The following DLGAP1 variants were observed in gnomAD, a reference collection of about 807,000 sequenced individuals.
DLGAP1 encodes the protein disks large-associated protein 1.
Under a neutral mutation model 90.8 loss-of-function variants are expected in DLGAP1, and 11 were observed. The observed-to-expected ratio is 0.12, with a 90% CI of 0.08 to 0.20. The LOEUF (loss-of-function observed/expected upper bound fraction) is 0.20. Among genes scored for constraint, DLGAP1 ranks in the 10% least tolerant of loss-of-function variants. The probability of loss-of-function intolerance (pLI) is 1.00; values close to 1 mark genes in which losing one functional copy is unlikely to be tolerated. For missense variants in DLGAP1, 1,050 were observed against 1,333.8 expected (o/e 0.79, Z 3.31); for synonymous variants, 558 against 540.7 (o/e 1.03, Z -0.44).
chr18:3,507,789 A>T (rs559825004), intron 11 of DLGAP1, among the ~76,000 whole-genome samples: 2 of 128,864 alleles, frequency 1.6e-5, no homozygotes, highest in African/African-American at 3.0e-5. Context: ...CCCCCAAACT[A>T]GAGTGCAATG....
chr18:3,939,008 G>C (rs2072705444), intron 3 of DLGAP1, among the ~76,000 whole-genome samples: 1 of 152,310 alleles, frequency 6.6e-6, no homozygotes, highest in South Asian at 2.1e-4. Context: ...TGAAACTGGA[G>C]GAGGACTAGT....
chr18:3,598,335 G>C (rs888109715), intron 7 of DLGAP1: 3 of 152,138 alleles, frequency 2.0e-5, no homozygotes, highest in Admixed American at 6.6e-5. Flanking sequence ...CCCAGGCGGT[G>C]GAGTGAGTCT....
At chr18:3,613,509 T>C (rs2057723618) in intron 7 of DLGAP1, among the ~76,000 whole-genome samples, 1 of 152,048 alleles carries the variant, frequency 6.6e-6, no homozygotes, top group Non-Finnish European at 1.5e-5. Flanking sequence ...ATTTTTTAAT[T>C]TTGAATTTTG....
chr18:3,800,325 A>G (rs2066228660), intron 5 of DLGAP1, among the ~76,000 whole-genome samples: 1 of 152,228 alleles, frequency 6.6e-6, no homozygotes, highest in Non-Finnish European at 1.5e-5. Context: ...TATGTTATGA[A>G]TATCTCTTTT....
intron 3 of DLGAP1, among the ~76,000 whole-genome samples, chr18:3,933,181 T>G (rs1443923543): frequency 6.6e-6 from 1 of 152,240 alleles, no homozygotes; most frequent in Non-Finnish European, 1.5e-5. Context: ...GAGGCTGTGC[T>G]CTTCCTGAGT....
intron 7 of DLGAP1, among the ~76,000 whole-genome samples, chr18:3,651,972 CACA>C (rs916829706): frequency 2.0e-4 from 30 of 147,596 alleles, no homozygotes; most frequent in South Asian, 4.4e-4. Context: ...CTGTCTCAAA[CACA>C]ACAACAACAA....
intron 1 of DLGAP1, among the ~76,000 whole-genome samples, chr18:4,405,472 T>C (rs6506201): frequency 0.33 from 49,433 of 152,050 alleles, 8,349 homozygotes; most frequent in Admixed American, 0.38. Flanking sequence ...TCAGGAATTA[T>C]TCAAAGAACA....
intron 7 of DLGAP1, among the ~76,000 whole-genome samples, chr18:3,680,949 T>C (rs901168481): frequency 9.2e-5 from 14 of 152,116 alleles, no homozygotes; most frequent in African/African-American, 3.4e-4. Context: ...TCGTGAAAGA[T>C]GAAGAAAGAA....
Position 3,879,855 on chromosome 18 carries a change from G to A in DLGAP1, c.214C>T (p.Arg72Cys), listed in dbSNP as rs1239125035. 2 of 1,610,140 alleles carry A rather than the reference G, an allele frequency of 1.2e-6. No homozygotes were observed. The highest frequency in any genetic ancestry group is 1.1e-5 in the South Asian group (1 of 91,006). ...TCTTGCTGCGAGGTGTAGTGCCTGC[G>A]GGGGAAGGTGCTGCTGGCCAGCGGG... The part of the protein sequence containing the change: ...SDPLASSTFP[R>C]RHYTSQQELK... The change falls in exon 4 of 13, where the codon CGC becomes TGC. Residue 72 changes from arginine (R) to cysteine (C), a missense_variant. Physicochemically the swap from Arg to Cys is radical, Grantham distance 180 (BLOSUM62 -3). This residue lies in a region of DLGAP1 where 485 missense variants were observed against 454.1 expected (regional missense o/e 1.07). Coordinates refer to ENST00000315677, the MANE Select transcript of DLGAP1 (RefSeq NM_004746.4). This position sits in a 1 kb window ranked among gnomAD's most constrained non-coding sequence, Gnocchi z 6.6.
intron 4 of DLGAP1, chr18:3,845,208 A>G (rs1265467878): frequency 7.5e-6 from 12 of 1,610,006 alleles, no homozygotes; most frequent in Non-Finnish European, 1.0e-5. Flanking sequence ...TCCTTTCCAT[A>G]GCCCAGAATT....
At chr18:4,303,813 TAGA>T (rs2080185938) in intron 1 of DLGAP1, among the ~76,000 whole-genome samples, 1 of 152,214 alleles carries the variant, frequency 6.6e-6, no homozygotes. Context: ...TGAAGTGTAT[TAGA>T]AGAAGGAGAA....
intron 5 of DLGAP1, chr18:3,771,326 C>T (rs2064526438): frequency 6.6e-6 from 1 of 152,356 alleles, no homozygotes; most frequent in Non-Finnish European, 1.5e-5. Flanking sequence ...ATTAATTGGG[C>T]TTTGTGTCTA....
chr18:3,959,587 C>T (rs1378487777), intron 3 of DLGAP1, among the ~76,000 whole-genome samples: 1 of 151,888 alleles, frequency 6.6e-6, no homozygotes, highest in Non-Finnish European at 1.5e-5. Flanking sequence ...TCGCTTGAAC[C>T]CGGGAGGTGG....
At chr18:3,598,939 A>C (rs2056751519) in intron 7 of DLGAP1, among the ~76,000 whole-genome samples, 1 of 151,204 alleles carries the variant, frequency 6.6e-6, no homozygotes, top group Non-Finnish European at 1.5e-5. Flanking sequence ...CACCCGGCTA[A>C]TGTTTGTCTT....
chr18:4,354,572 C>T (rs936635902), intron 1 of DLGAP1, among the ~76,000 whole-genome samples: 1 of 152,094 alleles, frequency 6.6e-6, no homozygotes, highest in Non-Finnish European at 1.5e-5. Context: ...TCACGCAAAC[C>T]TTTGATTAAA....
At chr18:3,984,768 A>G (rs937850336) in intron 3 of DLGAP1, among the ~76,000 whole-genome samples, 2 of 151,112 alleles carry the variant, frequency 1.3e-5, no homozygotes, top group African/African-American at 4.9e-5. Flanking sequence ...TGTTGCATGC[A>G]TGTCTCACCA....
chr18:3,740,778 C>T (rs1448328179), intron 6 of DLGAP1, among the ~76,000 whole-genome samples: 1 of 151,520 alleles, frequency 6.6e-6, no homozygotes, highest in Admixed American at 6.6e-5. Context: ...ACTATCACCA[C>T]AATCACAACC....
chr18:3,912,689 T>C (rs938647486), intron 3 of DLGAP1, among the ~76,000 whole-genome samples: 2 of 152,088 alleles, frequency 1.3e-5, no homozygotes, highest in East Asian at 1.9e-4. Context: ...GATGGAAACA[T>C]ATGGAACTGT....
chr18:3,905,727 G>A (rs1289655083), intron 3 of DLGAP1, among the ~76,000 whole-genome samples: 1 of 152,204 alleles, frequency 6.6e-6, no homozygotes, highest in Non-Finnish European at 1.5e-5. Flanking sequence ...AAATAGCCAT[G>A]TCAGAAGATC....
Sources: gnomAD v4.1 joint callset for allele counts (sites outside exome capture counted in the v4.1 genomes callset) on GRCh38, gnomAD v4.1.1 for gene constraint, gnomAD v4.1.1 regional missense constraint, Gnocchi (gnomAD v3.1) non-coding constraint, MANE v1.5 for transcripts, NCBI Gene and HGNC (gene_info 2026-07-23, HGNC 2026-07-21) for gene names.